The following CTNNA2 variants were observed in gnomAD, a reference collection of about 807,000 sequenced individuals.
CTNNA2 encodes catenin alpha-2.
In CTNNA2, 42 loss-of-function variants were observed where a neutral mutation model predicts 101.0. The observed-to-expected ratio is 0.42, with a 90% CI of 0.32 to 0.54. The LOEUF (loss-of-function observed/expected upper bound fraction) is 0.54. Among genes scored for constraint, CTNNA2 ranks in the 20% least tolerant of loss-of-function variants. The pLI is 0.14. For synonymous variants in CTNNA2, 450 were observed against 456.4 expected, an observed-to-expected ratio of 0.99 and a Z score of 0.18; for missense variants, 871 against 1,223.1, an observed-to-expected ratio of 0.71 and a Z score of 4.29.
chr2:79,560,784 C>T (rs1414774324), intron 1 of CTNNA2, among the ~76,000 whole-genome samples: 6 of 151,904 alleles, frequency 3.9e-5, no homozygotes, highest in Admixed American at 1.3e-4. Flanking sequence ...CGCCTTAGAT[C>T]GAAGAAAATG....
chr2:80,504,777 C>T (rs1179789256), intron 9 of CTNNA2, among the ~76,000 whole-genome samples: 1 of 152,166 alleles, frequency 6.6e-6, no homozygotes, highest in African/African-American at 2.4e-5. Flanking sequence ...ACTGCCTGAC[C>T]TAGGGTCAAT....
chr2:80,504,128 T>C (rs1199117205), intron 9 of CTNNA2, among the ~76,000 whole-genome samples: 2 of 152,094 alleles, frequency 1.3e-5, no homozygotes, highest in Non-Finnish European at 2.9e-5. Flanking sequence ...TAAATCAAGG[T>C]GTTAGCCAGT....
At chr2:80,481,265 AGAG>A (rs1262477200) in intron 9 of CTNNA2, among the ~76,000 whole-genome samples, 2 of 152,244 alleles carry the variant, frequency 1.3e-5, no homozygotes, top group Admixed American at 1.3e-4. Context: ...GTCTAATGGC[AGAG>A]GAGTCGTGGT....
intron 9 of CTNNA2, among the ~76,000 whole-genome samples, chr2:80,491,479 G>A (rs899085467): frequency 6.6e-6 from 1 of 152,182 alleles, no homozygotes; most frequent in African/African-American, 2.4e-5. Flanking sequence ...AGGATTTATG[G>A]TTCTTTAGTT....
intron 4 of CTNNA2, among the ~76,000 whole-genome samples, chr2:79,489,521 T>C (rs1234155245): frequency 6.6e-6 from 1 of 152,200 alleles, no homozygotes; most frequent in Non-Finnish European, 1.5e-5. Flanking sequence ...TAGGGCTTTC[T>C]GGTAAGCAGG....
chr2:80,088,733 G>C (rs998284923), intron 7 of CTNNA2, among the ~76,000 whole-genome samples: 1 of 151,818 alleles, frequency 6.6e-6, no homozygotes, highest in Non-Finnish European at 1.5e-5. Flanking sequence ...AAAGAAAGAA[G>C]GATTGAAAGG....
At chr2:80,480,733 G>A (rs1686079400) in intron 9 of CTNNA2, among the ~76,000 whole-genome samples, 2 of 152,050 alleles carry the variant, frequency 1.3e-5, no homozygotes, top group Admixed American at 1.3e-4. Flanking sequence ...AAGCTTTTAC[G>A]CTAATTATCA....
chr2:80,237,840 G>T (rs533693439), intron 7 of CTNNA2, among the ~76,000 whole-genome samples: 1 of 152,266 alleles, frequency 6.6e-6, no homozygotes, highest in East Asian at 1.9e-4. Flanking sequence ...GGGCAAAGTG[G>T]TGGTGGGTTG....
intron 1 of CTNNA2, among the ~76,000 whole-genome samples, chr2:79,582,831 A>G (rs1372949291): frequency 1.3e-5 from 2 of 152,132 alleles, no homozygotes; most frequent in African/African-American, 4.8e-5. Flanking sequence ...GTATGCAATC[A>G]ATGTAACCAC....
At chr2:80,629,722 A>T (rs1350063455) in intron 18 of CTNNA2, among the ~76,000 whole-genome samples, 1 of 152,120 alleles carries the variant, frequency 6.6e-6, no homozygotes, top group Admixed American at 6.5e-5. Flanking sequence ...CCACTGTAGG[A>T]TGTTTAAGAA....
At chr2:79,976,711 T>A (rs1690871054) in intron 7 of CTNNA2, among the ~76,000 whole-genome samples, 1 of 152,222 alleles carries the variant, frequency 6.6e-6, no homozygotes, top group Non-Finnish European at 1.5e-5. Flanking sequence ...TTTAATACGT[T>A]CTTCCAAAAT....
intron 7 of CTNNA2, among the ~76,000 whole-genome samples, chr2:79,992,686 T>G (rs932767766): frequency 2.0e-4 from 31 of 152,222 alleles, no homozygotes; most frequent in African/African-American, 7.2e-4. Context: ...TTTGTATAAA[T>G]GTAATATTTT....
chr2:79,188,308 T>G (rs1307624562), intron 1 of CTNNA2, among the ~76,000 whole-genome samples: 2 of 142,034 alleles, frequency 1.4e-5, no homozygotes, highest in Non-Finnish European at 3.0e-5. Flanking sequence ...TAGAAAATCT[T>G]TTTCCTAAAT....
chr2:79,383,382 A>T (rs1013510911), intron 4 of CTNNA2, among the ~76,000 whole-genome samples: 4 of 152,174 alleles, frequency 2.6e-5, no homozygotes, highest in Admixed American at 6.5e-5. Context: ...ACCTTGAAGG[A>T]TAGATAGAAT....
chr2:79,926,098 G>A (rs1687003090), intron 7 of CTNNA2, among the ~76,000 whole-genome samples: 2 of 152,004 alleles, frequency 1.3e-5, no homozygotes, highest in African/African-American at 4.8e-5. Flanking sequence ...AAGTTATACT[G>A]GCTGTATAAA....
intron 7 of CTNNA2, among the ~76,000 whole-genome samples, chr2:80,242,620 G>A (rs988740694): frequency 2.6e-5 from 4 of 152,116 alleles, no homozygotes; most frequent in South Asian, 2.1e-4. Flanking sequence ...TCCATTTTGC[G>A]CTGCAGCAGG....
At position 80,620,502 on chromosome 2, in the gene CTNNA2, C is replaced by A. The variant is rs112068693; in HGVS notation, c.2574+1274C>A. On this transcript the variant is annotated intron_variant, in intron 18 of 18. Coordinates refer to ENST00000402739, the MANE Select transcript of CTNNA2 (RefSeq NM_001282597.3). Reference sequence around the variant, plus strand: ...TTATTTGATACCTAAGTTTTCTAACCTAAATAAGTGACTATAACAGTAAAG... The same window carrying A: ...TTATTTGATACCTAAGTTTTCTAACATAAATAAGTGACTATAACAGTAAAG... 5.3e-3 allele frequency among the ~76,000 whole-genome samples: 811 copies of A among 151,928 alleles called. 9 individuals carry two copies. Among genetic ancestry groups the A allele is most frequent in the African/African-American group, 0.019 (789 of 41,488 alleles).
chr2:79,396,587 A>T lies in CTNNA2; in HGVS notation c.-135+22574A>T, dbSNP rs568929779. ...CTTCCAACCCAATCCATAACTATAA[A>T]ATTTCACTTTTCTAATTGAAAGCTC... On this transcript the variant is annotated intron_variant, in intron 4 of 21. Coordinates refer to the CTNNA2 transcript ENST00000466387. Among the ~76,000 whole-genome samples the T allele has an allele frequency of 4.6e-5, 7 of 152,144 alleles. No homozygotes were observed. In the South Asian group the frequency reaches 1.5e-3, roughly 32 times the overall value.
At chr2:80,647,548 A>C (rs747835710) in intron 18 of CTNNA2, 37 bp from the exon 19 acceptor site, 2 of 1,537,440 alleles carry the variant, frequency 1.3e-6, no homozygotes, top group Non-Finnish European at 1.8e-6. Context: ...TGGGGCCTCC[A>C]TTAACCCACA....
Sources: gnomAD v4.1 joint callset for allele counts (sites outside exome capture counted in the v4.1 genomes callset) on GRCh38, gnomAD v4.1.1 for gene constraint, MANE v1.5 for transcripts, NCBI Gene and HGNC (gene_info 2026-07-23, HGNC 2026-07-21) for gene names.